The following SPARCL1 variants were observed in gnomAD, a reference collection of about 807,000 sequenced individuals.
The protein encoded by SPARCL1 is SPARC-like protein 1.
SPARCL1 carries 52 observed loss-of-function variants against 67.1 expected under a neutral mutation model. The ratio of observed to expected loss-of-function variants is 0.78; its 90% confidence interval spans 0.62 to 0.98. The LOEUF is 0.98. SPARCL1 is among the 50% of genes least tolerant of loss of function. The pLI, the probability that SPARCL1 is intolerant of heterozygous loss-of-function variation, is 0.00. For synonymous variants in SPARCL1, 226 were observed against 267.8 expected (o/e 0.84, Z 1.52); for missense variants, 717 against 782.4 (o/e 0.92, Z 1.00).
Position 87,493,735 on chromosome 4 carries a change from G to C in SPARCL1, c.1065C>G (p.His355Gln). 6.2e-7 allele frequency: 1 copy of C among 1,614,138 alleles called. No individual in the cohort carries two copies. The highest frequency in any genetic ancestry group is 8.5e-7 in the Non-Finnish European group (1 of 1,180,024). ...GDDGGTDGPR[H>Q]SASDDYFIPS... Reference sequence around the variant, plus strand: ...GGATGAAGTAGTCATCACTTGCACTGTGCCTGGGGCCATCAGTGCCGCCAT... The same window carrying C: ...GGATGAAGTAGTCATCACTTGCACTCTGCCTGGGGCCATCAGTGCCGCCAT... Residue 355 changes from histidine to glutamine, a missense_variant, in exon 4 of 11, where the codon CAC becomes CAG. Coordinates refer to ENST00000282470, the MANE Select transcript of SPARCL1 (RefSeq NM_004684.6).
intron 2 of SPARCL1, among the ~76,000 whole-genome samples, chr4:87,495,813 C>T (rs1021561523): frequency 6.6e-6 from 1 of 152,104 alleles, no homozygotes; most frequent in Non-Finnish European, 1.5e-5. Flanking sequence ...TGCCTGTAAT[C>T]GCAGCTACTC....
intron 9 of SPARCL1, among the ~76,000 whole-genome samples, 182 bp from the exon 10 acceptor site, chr4:87,479,760 T>C (rs975355266): frequency 6.6e-6 from 1 of 152,224 alleles, no homozygotes; most frequent in African/African-American, 2.4e-5. Flanking sequence ...TTTTGGGATG[T>C]TGATTCACAA....
chr4:87,500,805 C>T (rs530784504), intron 1 of SPARCL1, among the ~76,000 whole-genome samples: 5 of 142,530 alleles, frequency 3.5e-5, no homozygotes, highest in South Asian at 2.1e-4. Flanking sequence ...CACATACGCG[C>T]GCACGCACAC....
chr4:87,482,749 A>G (rs181059344), intron 7 of SPARCL1, among the ~76,000 whole-genome samples, 189 bp from the exon 8 acceptor site: 1 of 152,138 alleles, frequency 6.6e-6, no homozygotes, highest in Non-Finnish European at 1.5e-5. Flanking sequence ...AACATACCAA[A>G]TGCCAGCTTC....
At chr4:87,527,565 A>G (rs1726099937) in intron 1 of SPARCL1, among the ~76,000 whole-genome samples, 1 of 152,172 alleles carries the variant, frequency 6.6e-6, no homozygotes, top group Admixed American at 6.6e-5. Flanking sequence ...TATTTCTGTC[A>G]TCACTATTAT....
At chr4:87,523,097 TA>T (rs1162391291) in intron 1 of SPARCL1, among the ~76,000 whole-genome samples, 1 of 152,028 alleles carries the variant, frequency 6.6e-6, no homozygotes, top group East Asian at 1.9e-4. Context: ...CTGTCTCTAC[TA>T]AAAGTACAAA....
At chr4:87,518,239 GAC>G (rs140257868) in intron 1 of SPARCL1, among the ~76,000 whole-genome samples, 7,470 of 152,236 alleles carry the variant, frequency 0.049, 588 homozygotes, top group African/African-American at 0.17. Flanking sequence ...GCAAGGAAAA[GAC>G]ACAGCTTGCC....
intron 1 of SPARCL1, among the ~76,000 whole-genome samples, chr4:87,500,789 C>T (rs1391986234): frequency 9.6e-6 from 1 of 104,468 alleles, no homozygotes; most frequent in African/African-American, 5.2e-5. Context: ...CACGTACGCG[C>T]GCACGCACAT....
At chr4:87,528,517 C>G (rs1225518982) in intron 1 of SPARCL1, 2 of 152,014 alleles carry the variant, frequency 1.3e-5, no homozygotes, top group Non-Finnish European at 2.9e-5. Flanking sequence ...TAAAAATAAT[C>G]AAACAAGAAT....
At chr4:87,526,763 T>C (rs1726062167) in intron 1 of SPARCL1, among the ~76,000 whole-genome samples, 1 of 152,216 alleles carries the variant, frequency 6.6e-6, no homozygotes, top group South Asian at 2.1e-4. Context: ...CTAGAGTCAG[T>C]TCCCGTTCTA....
intron 7 of SPARCL1, among the ~76,000 whole-genome samples, chr4:87,482,986 A>C (rs1405019919): frequency 1.3e-5 from 2 of 152,146 alleles, no homozygotes; most frequent in African/African-American, 4.8e-5. Context: ...TGGCTTAAAG[A>C]AACAGAAGTC....
chr4:87,485,367 C>T (rs922773879), intron 7 of SPARCL1, among the ~76,000 whole-genome samples: 19 of 151,916 alleles, frequency 1.3e-4, no homozygotes, highest in Admixed American at 3.3e-4. Flanking sequence ...ATGGCTTACA[C>T]GCATTGATTT....
rs118150982 is a variant in SPARCL1, at chr4:87,514,275, G to A, written c.-11-14690C>T. 1.6e-4 allele frequency among the ~76,000 whole-genome samples: 25 copies of A among 152,284 alleles called. No homozygotes were observed. In the East Asian group the frequency reaches 4.6e-3, roughly 28 times the overall value. ...TCACATTGTTCTTAACCCAAAAAGA[G>A]CTATCGAATGCTGAGAATCCTGGCG... On this transcript the variant is annotated intron_variant, in intron 1 of 10. Transcript: ENST00000282470.
intron 2 of SPARCL1, among the ~76,000 whole-genome samples, chr4:87,496,329 C>CCTT (rs1485552036): frequency 2.6e-5 from 4 of 152,066 alleles, no homozygotes; most frequent in Non-Finnish European, 5.9e-5. Context: ...CTCAAGCCAC[C>CCTT]CTTCCACTTC....
chr4:87,493,754 CCGCCATCAT>C lies in SPARCL1; in HGVS notation c.1037_1045del (p.Asp346_Gly348del). 2 of 1,614,116 alleles carry C rather than the reference CCGCCATCAT, an allele frequency of 1.2e-6. No homozygotes were observed. On this transcript the variant is annotated inframe_deletion, in exon 4 of 11. Coordinates refer to ENST00000282470, the MANE Select transcript of SPARCL1 (RefSeq NM_004684.6). ...TGCACTGTGCCTGGGGCCATCAGTG[CCGCCATCAT>C]CGCCATCATCATCGCCATCATCATC...
At chr4:87,488,008 A>G (rs1201176818) in intron 7 of SPARCL1, among the ~76,000 whole-genome samples, 1 of 152,078 alleles carries the variant, frequency 6.6e-6, no homozygotes, top group Admixed American at 6.5e-5. Context: ...CCTTTTTTCA[A>G]GGTTCTTAGC....
intron 1 of SPARCL1, among the ~76,000 whole-genome samples, chr4:87,505,479 A>G (rs1170736091): frequency 3.3e-5 from 5 of 152,110 alleles, no homozygotes; most frequent in Non-Finnish European, 7.4e-5. Flanking sequence ...TTTAAATTCA[A>G]TGTTTACTTA....
chr4:87,490,328 C>T lies in SPARCL1; in HGVS notation c.1476G>A (p.Leu492=). Residue 492 remains leucine (L), a synonymous_variant, in exon 7 of 11, where the codon CTG becomes CTA. Transcript: ENST00000282470. ...GTTGATGCCCCTTTTTGGTCCCCTC[C>T]AGTCTGCATTTAGTAGCGAATAGAT... The part of the protein sequence containing the change: ...SCHLFATKCR[L]EGTKKGHQLQ... The T allele has an allele frequency of 1.9e-6, 3 of 1,613,452 alleles. No homozygotes were observed. Among genetic ancestry groups the T allele is most frequent in the South Asian group, 1.1e-5 (1 of 90,932 alleles).
chr4:87,514,172 A>C (rs554208663), intron 1 of SPARCL1, among the ~76,000 whole-genome samples: 5 of 152,180 alleles, frequency 3.3e-5, no homozygotes, highest in Admixed American at 1.3e-4. Context: ...CCAGCAATAG[A>C]GTGAGACTCC....
Sources: gnomAD v4.1 joint callset for allele counts (sites outside exome capture counted in the v4.1 genomes callset) on GRCh38, gnomAD v4.1.1 for gene constraint, MANE v1.5 for transcripts, NCBI Gene and HGNC (gene_info 2026-07-23, HGNC 2026-07-21) for gene names.